Variants in PLCH1 observed in about 807,000 individuals in gnomAD.
PLCH1 encodes the protein 1-phosphatidylinositol 4,5-bisphosphate phosphodiesterase eta-1.
PLCH1 carries 60 observed loss-of-function variants against 126.7 expected under a neutral mutation model. That is an observed-to-expected ratio of 0.47 (90% CI 0.38 to 0.59). PLCH1 has a LOEUF of 0.59. Ranked by LOEUF, PLCH1 falls within the 20% of genes least tolerant of loss-of-function variation. The pLI, the probability that PLCH1 is intolerant of heterozygous loss-of-function variation, is 0.00. For missense variants in PLCH1, 1,723 were observed against 2,040.0 expected (o/e 0.84, Z 2.99); for synonymous variants, 719 against 734.9 (o/e 0.98, Z 0.35).
chr3:155,580,858 TAG>T (rs1730575030), intron 6 of PLCH1, among the ~76,000 whole-genome samples: 1 of 152,192 alleles, frequency 6.6e-6, no homozygotes, highest in Non-Finnish European at 1.5e-5. Flanking sequence ...CCTTTTATCA[TAG>T]ACTCTCAAAA....
chr3:155,709,983 T>A (rs1445033260), intron 1 of PLCH1, among the ~76,000 whole-genome samples: 1 of 152,014 alleles, frequency 6.6e-6, no homozygotes. Flanking sequence ...GGTTGGTTGG[T>A]TGGTTGGTTT....
intron 22 of PLCH1, among the ~76,000 whole-genome samples, chr3:155,484,453 T>C (rs1714690887): frequency 6.6e-6 from 1 of 152,128 alleles, no homozygotes; most frequent in Admixed American, 6.5e-5. Flanking sequence ...ACAAGTAAAA[T>C]GGTGTTTGTG....
At chr3:155,501,659 G>C (rs891011445) in intron 13 of PLCH1, among the ~76,000 whole-genome samples, 1 of 152,106 alleles carries the variant, frequency 6.6e-6, no homozygotes, top group African/African-American at 2.4e-5. Context: ...GCTGGGCGTG[G>C]TGGCAGGTGC....
chr3:155,648,285 A>G (rs1740287212), intron 2 of PLCH1, among the ~76,000 whole-genome samples: 1 of 152,222 alleles, frequency 6.6e-6, no homozygotes, highest in Non-Finnish European at 1.5e-5. Flanking sequence ...GGTTGAAGAC[A>G]AAGAAACAAA....
chr3:155,458,315 C>A (rs1712514451), intron 21 of PLCH1, among the ~76,000 whole-genome samples: 1 of 135,338 alleles, frequency 7.4e-6, no homozygotes, highest in Admixed American at 7.9e-5. Flanking sequence ...GCACTCCAGC[C>A]TGGGGAACAG....
intron 2 of PLCH1, among the ~76,000 whole-genome samples, chr3:155,679,329 G>A (rs1267776922): frequency 1.3e-5 from 2 of 152,074 alleles, no homozygotes; most frequent in East Asian, 3.8e-4. Flanking sequence ...GGTGGGGAGG[G>A]CTGGTGCTCT....
intron 2 of PLCH1, among the ~76,000 whole-genome samples, chr3:155,633,152 G>A (rs1311078830): frequency 6.6e-6 from 1 of 151,928 alleles, no homozygotes. Context: ...GGGGAGAAAG[G>A]GGGCTACAGC....
chr3:155,519,807 A>AACT (rs1358718239), intron 11 of PLCH1, among the ~76,000 whole-genome samples: 3 of 151,622 alleles, frequency 2.0e-5, no homozygotes, highest in African/African-American at 7.3e-5. Flanking sequence ...AAAGGCAAAA[A>AACT]ACTAAAAACT....
chr3:155,567,675 C>T lies in PLCH1; in HGVS notation c.865+556G>A, dbSNP rs368424414. Among the ~76,000 whole-genome samples, 20 of 152,260 alleles carry T rather than the reference C, an allele frequency of 1.3e-4. No individual in the cohort carries two copies. In the East Asian group the frequency reaches 1.4e-3, roughly 10 times the overall value. On this transcript the variant is annotated intron_variant, in intron 7 of 22. Transcript: ENST00000460012. ...AGCTATATTTCTGCCATATTATTTACGTCTAACATTTCAGGAGCTAGATTC... is the reference window on the plus strand; with the variant it reads ...AGCTATATTTCTGCCATATTATTTATGTCTAACATTTCAGGAGCTAGATTC...
chr3:155,567,108 T>G (rs979076764), intron 7 of PLCH1, among the ~76,000 whole-genome samples: 1 of 152,224 alleles, frequency 6.6e-6, no homozygotes, highest in East Asian at 1.9e-4. Context: ...AGTCTCACTC[T>G]GTCACCCAGG....
chr3:155,484,775 T>A (rs1714760628), intron 22 of PLCH1, among the ~76,000 whole-genome samples: 1 of 152,214 alleles, frequency 6.6e-6, no homozygotes, highest in African/African-American at 2.4e-5. Context: ...CTGGTCCCTA[T>A]GCTTGTGGAG....
chr3:155,649,822 C>CA (rs561027001), intron 2 of PLCH1, among the ~76,000 whole-genome samples: 44 of 152,058 alleles, frequency 2.9e-4, no homozygotes, highest in Non-Finnish European at 4.4e-4. Context: ...ACTAAAAATA[C>CA]AAAAAATTAG....
intron 8 of PLCH1, among the ~76,000 whole-genome samples, chr3:155,564,551 G>A (rs918328377): frequency 3.3e-5 from 5 of 151,806 alleles, no homozygotes; most frequent in Non-Finnish European, 4.4e-5. Context: ...GTGACAGAGC[G>A]AGACTCCATC....
intron 2 of PLCH1, among the ~76,000 whole-genome samples, chr3:155,602,251 A>G (rs949855341): frequency 3.6e-4 from 55 of 152,198 alleles, no homozygotes; most frequent in African/African-American, 1.3e-3. Flanking sequence ...TTGTGTAAGA[A>G]AAGAATGGGA....
intron 9 of PLCH1, among the ~76,000 whole-genome samples, chr3:155,551,897 G>A (rs1447839825): frequency 2.0e-5 from 3 of 152,084 alleles, no homozygotes; most frequent in Non-Finnish European, 4.4e-5. Flanking sequence ...AATCACCAGA[G>A]GATCTTCCAA....
At chr3:155,686,234 G>T (rs1744929153) in intron 2 of PLCH1, among the ~76,000 whole-genome samples, 1 of 152,202 alleles carries the variant, frequency 6.6e-6, no homozygotes, top group African/African-American at 2.4e-5. Flanking sequence ...TTGAGGGGAA[G>T]AAGAGGGAAG....
chr3:155,739,767 A>G (rs776798647), intron 1 of PLCH1, among the ~76,000 whole-genome samples: 1 of 152,244 alleles, frequency 6.6e-6, no homozygotes, highest in Non-Finnish European at 1.5e-5. Context: ...GTCCCATGTT[A>G]CATCTTAGGC....
chr3:155,488,204 C>CT (rs58693862), intron 20 of PLCH1, 97 bp from the exon 21 acceptor site: 238,007 of 572,890 alleles, frequency 0.42, 21,510 homozygotes, highest in Middle Eastern at 0.5. Flanking sequence ...GACTGTAGTT[C>CT]TTTTTTTTTT....
intron 14 of PLCH1, among the ~76,000 whole-genome samples, chr3:155,497,995 G>A (rs947384965): frequency 2.6e-5 from 4 of 152,176 alleles, no homozygotes; most frequent in African/African-American, 9.7e-5. Context: ...GATTACAGAC[G>A]CAAGCCACAG....
Sources: gnomAD v4.1 joint callset for allele counts (sites outside exome capture counted in the v4.1 genomes callset) on GRCh38, gnomAD v4.1.1 for gene constraint, MANE v1.5 for transcripts, NCBI Gene and HGNC (gene_info 2026-07-23, HGNC 2026-07-21) for gene names.